Variants in JADE1 observed in about 807,000 individuals in gnomAD.
JADE1 encodes the protein jade family PHD finger 1.
Under a neutral mutation model 81.8 loss-of-function variants are expected in JADE1, and 14 were observed. That is an observed-to-expected ratio of 0.17 (90% CI 0.11 to 0.27). The LOEUF (loss-of-function observed/expected upper bound fraction) is 0.27. Ranked by LOEUF, JADE1 falls within the 10% of genes least tolerant of loss-of-function variation. JADE1 has a pLI of 1.00. For missense variants in JADE1, 690 were observed against 1,047.9 expected (o/e 0.66, Z 4.71); for synonymous variants, 353 against 391.9 (o/e 0.90, Z 1.17).
chr4:128,838,071 A>G (rs926000910), intron 2 of JADE1, among the ~76,000 whole-genome samples: 3 of 152,172 alleles, frequency 2.0e-5, no homozygotes, highest in Non-Finnish European at 4.4e-5. Context: ...AATATTTCAA[A>G]GGGGAGTGAG....
At chr4:128,868,600 A>C (rs903387841) in intron 10 of JADE1, among the ~76,000 whole-genome samples, 3 of 152,236 alleles carry the variant, frequency 2.0e-5, no homozygotes, top group Non-Finnish European at 2.9e-5. Flanking sequence ...TCTGGACAAC[A>C]CATCAGTTAC....
Position 128,862,211 on chromosome 4 carries a change from C to T in JADE1, c.1489C>T (p.Gln497Ter). Residue 497 changes from glutamine (Q) to a stop codon, truncating the protein, a stop_gained, in exon 9 of 11, where the codon CAG becomes TAG. Coordinates refer to ENST00000226319, the MANE Select transcript of JADE1 (RefSeq NM_199320.4). LOFTEE classifies it high-confidence loss of function. ...GCTGCAGCTGTTCACGCACCTGCGG[C>T]AGGACCTGGAGAGGGTAATGATTGA... Reference protein sequence around the residue: ...RRLQLFTHLRQDLERVRNLTY... With the variant: ...RRLQLFTHLR 6.2e-7 allele frequency: 1 copy of T among 1,614,202 alleles called. No homozygotes were observed. The highest frequency in any genetic ancestry group is 8.5e-7 in the Non-Finnish European group (1 of 1,180,028).
intron 6 of JADE1, among the ~76,000 whole-genome samples, chr4:128,852,757 G>A (rs555113279): frequency 6.6e-6 from 1 of 152,292 alleles, no homozygotes; most frequent in South Asian, 2.1e-4. Flanking sequence ...CCAGAATTGA[G>A]GTGGTGGCAG....
intron 2 of JADE1, among the ~76,000 whole-genome samples, chr4:128,842,427 G>A (rs1367058093): frequency 6.6e-6 from 1 of 151,940 alleles, no homozygotes; most frequent in Admixed American, 6.6e-5. Context: ...GGCTTTCCGA[G>A]TAGGTGGGAT....
chr4:128,822,394 AGT>A lies in JADE1; in HGVS notation c.-26-9336_-26-9335del, dbSNP rs1341940073. On this transcript the variant is annotated intron_variant, in intron 1 of 10. Coordinates refer to ENST00000226319, the MANE Select transcript of JADE1 (RefSeq NM_199320.4). Reference sequence around the variant, plus strand: ...AAAAAAAAGTATCTTTACTATTATAAGTGTAGTACACAATCATCGTAAAAAGT... The same window carrying A: ...AAAAAAAAGTATCTTTACTATTATAAGTAGTACACAATCATCGTAAAAAGT... Among the ~76,000 whole-genome samples, 9 of 152,216 alleles carry A rather than the reference AGT, an allele frequency of 5.9e-5. 1 individual carries two copies. In the South Asian group the frequency reaches 8.3e-4, roughly 14 times the overall value.
At position 128,872,901 on chromosome 4, in the gene JADE1, T is replaced by G. The variant is rs954604934; in HGVS notation, c.*639T>G. On this transcript the variant is annotated 3_prime_UTR_variant, in exon 11 of 11. Transcript: ENST00000226319. ...GGGTAGAGCTGCTGCAATATGGAGATTTAGGGTAATATGGCAAGGTCCTGC... is the reference window on the plus strand; with the variant it reads ...GGGTAGAGCTGCTGCAATATGGAGAGTTAGGGTAATATGGCAAGGTCCTGC... 2.2e-6 allele frequency: 1 copy of G among 456,008 alleles called. No individual in the cohort carries two copies. The highest frequency in any genetic ancestry group is 4.4e-6 in the Non-Finnish European group (1 of 226,566). The allele number at this position is 456,008 out of a possible 1,614,324, so 28.2% of individuals were successfully genotyped here. A position where few individuals can be genotyped will look rare whatever the true frequency, so the allele number is the denominator to read the frequency against.
chr4:128,855,003 G>A (rs1279394712), intron 6 of JADE1, among the ~76,000 whole-genome samples: 3 of 152,062 alleles, frequency 2.0e-5, no homozygotes, highest in Admixed American at 1.3e-4. Flanking sequence ...CATTCTTCCT[G>A]TGTAGAAGGT....
At position 128,872,325 on chromosome 4, in the gene JADE1, G is replaced by T. The variant is rs1732256837; in HGVS notation, c.*63G>T. On this transcript the variant is annotated 3_prime_UTR_variant, in exon 11 of 11. Coordinates refer to ENST00000226319, the MANE Select transcript of JADE1 (RefSeq NM_199320.4). ...ATTGGGTTTGCTAGAGGAGAGCTCTGATGTGGGGGAGAAGCAGAAACCCAT... is the reference window on the plus strand; with the variant it reads ...ATTGGGTTTGCTAGAGGAGAGCTCTTATGTGGGGGAGAAGCAGAAACCCAT... The T allele has an allele frequency of 7.2e-7, 1 of 1,393,936 alleles. No individual in the cohort carries two copies. The highest frequency in any genetic ancestry group is 1.4e-5 in the African/African-American group (1 of 69,488). 86.3% of individuals were successfully genotyped at this position (1,393,936 alleles called of 1,614,324 possible).
At chr4:128,826,984 A>T (rs144370020) in intron 1 of JADE1, among the ~76,000 whole-genome samples, 33 of 152,116 alleles carry the variant, frequency 2.2e-4, no homozygotes, top group Non-Finnish European at 4.0e-4. Context: ...GTATCTGACC[A>T]CTCTGTCCTA....
Position 128,874,506 on chromosome 4 carries a change from A to AC in JADE1, c.*2244_*2245insC, listed in dbSNP as rs1560791011. 3 of 108,620 alleles carry AC rather than the reference A, an allele frequency of 2.8e-5. No individual in the cohort carries two copies. The highest frequency in any genetic ancestry group is 5.1e-5 in the Non-Finnish European group (3 of 58,260). 6.7% of individuals were successfully genotyped at this position (108,620 alleles called of 1,614,324 possible). On this transcript the variant is annotated 3_prime_UTR_variant, in exon 11 of 11. Transcript: ENST00000226319. ...ACAAAACAAAAACAAAACAAAAAATATTAAAAAAAACCCACACAAAAACAA... is the reference window on the plus strand; with the variant it reads ...ACAAAACAAAAACAAAACAAAAAATACTTAAAAAAAACCCACACAAAAACAA...
At chr4:128,840,186 G>A (rs1729314414) in intron 2 of JADE1, among the ~76,000 whole-genome samples, 2 of 152,208 alleles carry the variant, frequency 1.3e-5, no homozygotes, top group Non-Finnish European at 2.9e-5. Flanking sequence ...TATTTGGGTT[G>A]TGTTCTATGC....
At chr4:128,840,843 T>G (rs1729377643) in intron 2 of JADE1, among the ~76,000 whole-genome samples, 1 of 152,252 alleles carries the variant, frequency 6.6e-6, no homozygotes, top group Non-Finnish European at 1.5e-5. Context: ...AAACATTTAC[T>G]GAAATGCCAT....
chr4:128,820,324 C>T (rs1005555240), intron 1 of JADE1, among the ~76,000 whole-genome samples: 1 of 152,150 alleles, frequency 6.6e-6, no homozygotes, highest in African/African-American at 2.4e-5. Flanking sequence ...ATTGGTCAGG[C>T]TGGTCTTGAA....
At chr4:128,854,609 G>A (rs1326415459) in intron 6 of JADE1, among the ~76,000 whole-genome samples, 1 of 152,010 alleles carries the variant, frequency 6.6e-6, no homozygotes, top group Non-Finnish European at 1.5e-5. Flanking sequence ...TCTTTGCATC[G>A]TCGTGGGTAT....
At chr4:128,834,530 C>CTTTTT (rs202245727) in intron 2 of JADE1, among the ~76,000 whole-genome samples, 8 of 99,218 alleles carry the variant, frequency 8.1e-5, no homozygotes, top group African/African-American at 2.1e-4. Context: ...CCAAATATTT[C>CTTTTT]TTTTTTTTTT....
chr4:128,845,876 A>T (rs533121980), intron 3 of JADE1, among the ~76,000 whole-genome samples: 6 of 151,572 alleles, frequency 4.0e-5, no homozygotes, highest in African/African-American at 1.5e-4. Flanking sequence ...GGGAGCCAAG[A>T]CTGTGTTACC....
chr4:128,869,219 A>G (rs567323637), intron 10 of JADE1, among the ~76,000 whole-genome samples: 54 of 152,184 alleles, frequency 3.5e-4, no homozygotes, highest in Non-Finnish European at 5.7e-4. Context: ...TTCCAGGTGA[A>G]TCAAGTGTAT....
intron 1 of JADE1, among the ~76,000 whole-genome samples, chr4:128,815,195 G>A (rs559966104): frequency 1.8e-4 from 28 of 151,904 alleles, no homozygotes; most frequent in Admixed American, 1.8e-3. Context: ...CCGCCTCGCG[G>A]GTTCACGCCA....
chr4:128,825,936 A>G (rs1728023043), intron 1 of JADE1, among the ~76,000 whole-genome samples: 1 of 152,198 alleles, frequency 6.6e-6, no homozygotes, highest in Admixed American at 6.5e-5. Flanking sequence ...CTCTTCGTGC[A>G]GTGAGTGGAG....
Sources: allele counts gnomAD v4.1 joint callset (sites outside exome capture counted in the v4.1 genomes callset), GRCh38; gene constraint gnomAD v4.1.1; transcripts MANE v1.5; gene names NCBI Gene and HGNC (gene_info 2026-07-23, HGNC 2026-07-21).